Variants in SH3BGRL2 observed in about 807,000 individuals in gnomAD.
SH3BGRL2 encodes SH3 domain-binding glutamic acid-rich-like protein 2.
Under a neutral mutation model 14.8 loss-of-function variants are expected in SH3BGRL2, and 21 were observed. That is an observed-to-expected ratio of 1.42 (90% CI 1.01 to 2.05). SH3BGRL2 has a LOEUF of 2.05. Among genes scored for constraint, SH3BGRL2 ranks in the 30% most tolerant of loss-of-function variants. SH3BGRL2 has a pLI of 0.00. For missense variants in SH3BGRL2, 147 were observed against 130.8 expected (o/e 1.12, Z -0.61); for synonymous variants, 50 against 47.8 (o/e 1.05, Z -0.19).
intron 1 of SH3BGRL2, among the ~76,000 whole-genome samples, chr6:79,657,972 TGGATTAGATTTAATTCAAGTTAATAG>T (rs2127728337): frequency 6.6e-6 from 1 of 152,178 alleles, no homozygotes; most frequent in East Asian, 1.9e-4. Flanking sequence ...TTGTTAGTAG[TGGATTAGATTTAATTCAAGTTAATAG>T]GAAGAAGCAT....
the SH3BGRL2 span, among the ~76,000 whole-genome samples, chr6:79,617,402 T>C: frequency 6.6e-6 from 1 of 152,172 alleles, no homozygotes; most frequent in Non-Finnish European, 1.5e-5. Flanking sequence ...TACATAATCA[T>C]AATATTATTA....
chr6:79,645,454 T>A (rs1769121977), intron 1 of SH3BGRL2, among the ~76,000 whole-genome samples: 1 of 152,172 alleles, frequency 6.6e-6, no homozygotes, highest in African/African-American at 2.4e-5. Flanking sequence ...TTGGCATGGA[T>A]CCACTGGAAC....
At chr6:79,681,722 T>A (rs1769991373) in intron 2 of SH3BGRL2, among the ~76,000 whole-genome samples, 3 of 152,182 alleles carry the variant, frequency 2.0e-5, no homozygotes, top group Non-Finnish European at 4.4e-5. Context: ...GGGAACACTA[T>A]CCTGGGATCA....
chr6:79,681,617 C>T (rs1769989132), intron 2 of SH3BGRL2, among the ~76,000 whole-genome samples: 1 of 152,178 alleles, frequency 6.6e-6, no homozygotes. Context: ...TTAGCATTTT[C>T]TCACCATTTG....
the SH3BGRL2 span, among the ~76,000 whole-genome samples, chr6:79,543,740 G>T: frequency 4.6e-5 from 7 of 152,042 alleles, no homozygotes; most frequent in African/African-American, 1.7e-4. Context: ...CAAACACTTC[G>T]AGTACTCTAC....
intron 1 of SH3BGRL2, among the ~76,000 whole-genome samples, chr6:79,665,110 A>AAATCGC (rs1338062871): frequency 1.3e-5 from 2 of 152,074 alleles, no homozygotes; most frequent in African/African-American, 4.8e-5. Flanking sequence ...TGAGACAGGA[A>AAATCGC]AATCGCTTGA....
At chr6:79,577,696 A>AGT in the SH3BGRL2 span, among the ~76,000 whole-genome samples, 1 of 152,368 alleles carries the variant, frequency 6.6e-6, no homozygotes, top group East Asian at 1.9e-4. Context: ...TGCAGCTCCC[A>AGT]GTGTGATCAA....
At chr6:79,561,303 T>C in the SH3BGRL2 span, 2 of 152,282 alleles carry the variant, frequency 1.3e-5, no homozygotes, top group South Asian at 4.1e-4. Flanking sequence ...ATTTTCAACA[T>C]GTCGTCAATA....
chr6:79,700,837 A>C lies in SH3BGRL2; in HGVS notation c.*1328A>C, dbSNP rs1162641913. The C allele has an allele frequency of 2.6e-5, 4 of 152,250 alleles. No individual in the cohort carries two copies. The East Asian group carries it at 7.7e-4, about 29-fold the overall frequency. The allele number at this position is 152,250 out of a possible 1,614,324, so 9.4% of individuals were successfully genotyped here. On this transcript the variant is annotated 3_prime_UTR_variant, in exon 4 of 4. Coordinates refer to ENST00000369838, the MANE Select transcript of SH3BGRL2 (RefSeq NM_031469.4). ...TTAACTTAGAGTTTTAAATTGCCAA[A>C]CATGGGAACAGCCTTGAATAGGATA... is the stretch of plus-strand genomic sequence containing the variant.
intron 1 of SH3BGRL2, among the ~76,000 whole-genome samples, chr6:79,640,757 G>A (rs933216245): frequency 1.3e-5 from 2 of 152,014 alleles, no homozygotes; most frequent in African/African-American, 2.4e-5. Context: ...CGTTGGGTGC[G>A]ACTGAGGGCA....
At chr6:79,639,849 AT>A (rs1192579757) in intron 1 of SH3BGRL2, among the ~76,000 whole-genome samples, 10 of 151,908 alleles carry the variant, frequency 6.6e-5, no homozygotes, top group Non-Finnish European at 1.3e-4. Context: ...TCCTGTATTC[AT>A]TTTTTTCTGT....
intron 1 of SH3BGRL2, among the ~76,000 whole-genome samples, chr6:79,666,452 C>T (rs1326668659): frequency 2.0e-5 from 3 of 152,194 alleles, no homozygotes; most frequent in Non-Finnish European, 2.9e-5. Flanking sequence ...ATGTCTGCCA[C>T]AGTACTTTCT....
chr6:79,605,273 C>T, the SH3BGRL2 span, among the ~76,000 whole-genome samples: 1 of 152,204 alleles, frequency 6.6e-6, no homozygotes, highest in Non-Finnish European at 1.5e-5. Context: ...GCCCAGCCTG[C>T]AGCCCATCTG....
At chr6:79,668,088 A>G (rs971531921) in intron 1 of SH3BGRL2, among the ~76,000 whole-genome samples, 6 of 152,274 alleles carry the variant, frequency 3.9e-5, no homozygotes, top group East Asian at 1.9e-4. Context: ...AGCATCAGCT[A>G]TGTATACCCT....
the SH3BGRL2 span, among the ~76,000 whole-genome samples, chr6:79,616,562 C>T: frequency 6.6e-6 from 1 of 151,798 alleles, no homozygotes; most frequent in Admixed American, 6.6e-5. Context: ...TAGGAAGATA[C>T]GTCTCAGAGA....
chr6:79,622,327 T>G, the SH3BGRL2 span, among the ~76,000 whole-genome samples: 2 of 152,218 alleles, frequency 1.3e-5, no homozygotes, highest in Non-Finnish European at 2.9e-5. Flanking sequence ...TACTCTTAAC[T>G]GAGGAACAGT....
intron 1 of SH3BGRL2, among the ~76,000 whole-genome samples, chr6:79,644,077 G>A (rs78648823): frequency 0.019 from 2,945 of 152,252 alleles, 93 homozygotes; most frequent in African/African-American, 0.067. Flanking sequence ...GGCCTTTTGG[G>A]CAACAGATCC....
rs1458196229 is a variant in SH3BGRL2, at chr6:79,640,896, A to G, written c.45+9390A>G. Among the ~76,000 whole-genome samples, 5 of 152,182 alleles carry G rather than the reference A, an allele frequency of 3.3e-5. No homozygotes were observed. In the South Asian group the frequency reaches 6.2e-4, roughly 19 times the overall value. ...GAGGACTGAGAGTAAGAGACATACA[A>G]TTAGGTGACTTGATTGACAGGTCAG... is the stretch of plus-strand genomic sequence containing the variant. On this transcript the variant is annotated intron_variant, in intron 1 of 3. Transcript: ENST00000369838.
chr6:79,675,596 T>C (rs1053324164), intron 2 of SH3BGRL2, among the ~76,000 whole-genome samples: 2 of 152,150 alleles, frequency 1.3e-5, no homozygotes, highest in African/African-American at 4.8e-5. Flanking sequence ...AATTTGGATA[T>C]TGGATTTCTT....
Sources: gnomAD v4.1 joint callset for allele counts (sites outside exome capture counted in the v4.1 genomes callset) on GRCh38, gnomAD v4.1.1 for gene constraint, MANE v1.5 for transcripts, NCBI Gene and HGNC (gene_info 2026-07-23, HGNC 2026-07-21) for gene names.